The following SCN9A variants were observed in gnomAD, a reference collection of about 807,000 sequenced individuals.
The protein encoded by SCN9A is sodium voltage-gated channel alpha subunit 9, also known as sodium channel protein type 9 subunit alpha.
Under a neutral mutation model 187.0 loss-of-function variants are expected in SCN9A, and 131 were observed. The observed-to-expected ratio is 0.70, with a 90% CI of 0.61 to 0.81. The LOEUF (loss-of-function observed/expected upper bound fraction) is 0.81. Ranked by LOEUF, SCN9A falls within the 30% of genes least tolerant of loss-of-function variation. SCN9A has a pLI of 0.00. For missense variants in SCN9A, 2,252 were observed against 2,396.6 expected (o/e 0.94, Z 1.26); for synonymous variants, 809 against 808.6 (o/e 1.00, Z -0.01).
Position 166,242,534 on chromosome 2 carries a change from C to A in SCN9A, c.3595G>T (p.Val1199Phe). The A allele has an allele frequency of 6.3e-7, 1 of 1,597,342 alleles. No homozygotes were observed. Among genetic ancestry groups the A allele is most frequent in the Non-Finnish European group, 8.5e-7 (1 of 1,171,382 alleles). The change falls in exon 19 of 27, where the codon GTC becomes TTC. Residue 1199 changes from valine to phenylalanine, a missense_variant. This residue lies in a region of SCN9A where 313 missense variants were observed against 295.3 expected (regional missense o/e 1.06). Transcript: ENST00000642356. The part of the protein sequence containing the change: ...VEHSWFESFI[V>F]LMILLSSGAL... ...CCACTGCTGAGCAGGATCATGAGGA[C>A]AATGAAGCTTTCAAACCAACTGTGT...
chr2:166,239,221 T>TAAAAAAAAAAAAAAAAAAAAAA lies in SCN9A; in HGVS notation c.3628-955_3628-954insTTTTTTTTTTTTTTTTTTTTTT, dbSNP rs1558974298. 1.5e-5 allele frequency among the ~76,000 whole-genome samples: 2 copies of TAAAAAAAAAAAAAAAAAAAAAA among 130,082 alleles called. 1 individual carries two copies. Among genetic ancestry groups the TAAAAAAAAAAAAAAAAAAAAAA allele is most frequent in the Non-Finnish European group, 3.2e-5 (2 of 61,864 alleles). The allele number at this position is 130,082 out of a possible 152,430, so 85.3% of individuals were successfully genotyped here. On this transcript the variant is annotated intron_variant, in intron 19 of 26. Coordinates refer to ENST00000642356, the MANE Select transcript of SCN9A (RefSeq NM_001365536.1). Reference sequence around the variant, plus strand: ...CTGGGCAACAGAGCAAGACTCTGTCTCAAAAAAAAAAAAAAAAAAAAGGCT... The same window carrying TAAAAAAAAAAAAAAAAAAAAAA: ...CTGGGCAACAGAGCAAGACTCTGTCTAAAAAAAAAAAAAAAAAAAAAACAAAAAAAAAAAAAAAAAAAAGGCT...
intron 24 of SCN9A, among the ~76,000 whole-genome samples, chr2:166,205,817 G>GA (rs1247197872): frequency 1.3e-5 from 2 of 150,742 alleles, no homozygotes; most frequent in Non-Finnish European, 3.0e-5. Context: ...AAATTTACAA[G>GA]AAAAAAACAA....
chr2:166,351,213 C>A (rs1700026208), intron 1 of SCN9A, among the ~76,000 whole-genome samples: 1 of 152,012 alleles, frequency 6.6e-6, no homozygotes, highest in Admixed American at 6.6e-5. Context: ...AAACAAAAAC[C>A]CACACATCAG....
intron 14 of SCN9A, among the ~76,000 whole-genome samples, chr2:166,278,934 A>C (rs7597740): frequency 0.41 from 61,584 of 151,956 alleles, 12,692 homozygotes; most frequent in African/African-American, 0.47. Context: ...CTTTGGGTAC[A>C]CTTTGACTCA....
intron 24 of SCN9A, among the ~76,000 whole-genome samples, chr2:166,219,506 G>C (rs1694488340): frequency 6.6e-6 from 1 of 152,098 alleles, no homozygotes; most frequent in South Asian, 2.1e-4. Context: ...ACTTATAAGT[G>C]GGAGCTAAAT....
At chr2:166,219,967 GA>G (rs1227775730) in intron 24 of SCN9A, among the ~76,000 whole-genome samples, 1 of 151,856 alleles carries the variant, frequency 6.6e-6, no homozygotes, top group African/African-American at 2.4e-5. Flanking sequence ...TATTTAAACA[GA>G]AAAAAACATA....
At chr2:166,244,774 C>A (rs975061144) in intron 18 of SCN9A, among the ~76,000 whole-genome samples, 6 of 151,986 alleles carry the variant, frequency 3.9e-5, no homozygotes, top group Non-Finnish European at 5.9e-5. Context: ...TGAATCTCTT[C>A]TTAACTCTGC....
chr2:166,374,309 T>C lies in SCN9A; in HGVS notation c.-51+1388A>G, dbSNP rs79147031. Among the ~76,000 whole-genome samples, 10 of 152,290 alleles carry C rather than the reference T, an allele frequency of 6.6e-5. No homozygotes were observed. The South Asian group carries it at 2.1e-3, about 32-fold the overall frequency. ...CTCCTTTTAAACCTCTACAAAATTT[T>C]AAAAAACTTGTCTTAAGCCAAACTA... On this transcript the variant is annotated intron_variant, in intron 1 of 26. Coordinates refer to ENST00000642356, the MANE Select transcript of SCN9A (RefSeq NM_001365536.1).
At chr2:166,338,734 C>CT (rs1699692689) in intron 1 of SCN9A, among the ~76,000 whole-genome samples, 1 of 152,084 alleles carries the variant, frequency 6.6e-6, no homozygotes, top group Admixed American at 6.6e-5. Context: ...CAATTGTTTT[C>CT]TTTTCTTTCG....
chr2:166,220,054 C>T (rs2106372914), intron 24 of SCN9A, among the ~76,000 whole-genome samples: 1 of 152,204 alleles, frequency 6.6e-6, no homozygotes, highest in Middle Eastern at 3.4e-3. Context: ...TGCAACAGCC[C>T]ATTAAATGAT....
chr2:166,279,025 A>T (rs1165134701), intron 14 of SCN9A, among the ~76,000 whole-genome samples: 1 of 152,188 alleles, frequency 6.6e-6, no homozygotes, highest in Admixed American at 6.5e-5. Context: ...ATGCAGGATC[A>T]AGAAGATTGG....
In SCN9A at chr2:166,280,210, T is replaced by A. The variant is rs576732968; in HGVS notation, c.2343+147A>T. 8 of 591,756 alleles carry A rather than the reference T, an allele frequency of 1.4e-5. No homozygotes were observed. In the South Asian group the frequency reaches 1.8e-4, roughly 14 times the overall value. The allele number at this position is 591,756 out of a possible 1,614,324, so 36.7% of individuals were successfully genotyped here. On this transcript the variant is annotated intron_variant, in intron 14 of 26. Coordinates refer to ENST00000642356, the MANE Select transcript of SCN9A (RefSeq NM_001365536.1). Reference sequence around the variant, plus strand: ...TATTTTAAAAGACATAACCAGAAACTTGACTCTACACATCCATTCATATGG... The same window carrying A: ...TATTTTAAAAGACATAACCAGAAACATGACTCTACACATCCATTCATATGG...
intron 14 of SCN9A, 98 bp from the exon 15 acceptor site, chr2:166,278,411 GAC>G: frequency 9.9e-7 from 1 of 1,012,938 alleles, no homozygotes; most frequent in Non-Finnish European, 1.4e-6. Flanking sequence ...CTGTGTTCCA[GAC>G]AGTTTGCTAA....
intron 19 of SCN9A, among the ~76,000 whole-genome samples, chr2:166,240,294 G>T (rs1695508430): frequency 6.6e-6 from 1 of 152,086 alleles, no homozygotes; most frequent in Admixed American, 6.6e-5. Flanking sequence ...AGGTTTGAGG[G>T]TACATGTGAA....
intron 12 of SCN9A, 55 bp from the exon 13 acceptor site, chr2:166,281,863 A>G (rs1697506798): frequency 1.3e-6 from 2 of 1,517,688 alleles, no homozygotes; most frequent in East Asian, 4.5e-5. Context: ...AATTGTAGGT[A>G]TAAGATAAAA....
intron 1 of SCN9A, among the ~76,000 whole-genome samples, chr2:166,349,976 A>AAAAAAAT (rs920137257): frequency 1.8e-5 from 2 of 112,330 alleles, no homozygotes; most frequent in East Asian, 2.2e-4. Flanking sequence ...CCCTCTCACA[A>AAAAAAAT]AAAAAATAAA....
chr2:166,209,853 T>C (rs1305231954), intron 24 of SCN9A, among the ~76,000 whole-genome samples: 1 of 152,172 alleles, frequency 6.6e-6, no homozygotes, highest in Non-Finnish European at 1.5e-5. Context: ...TTTTACACTG[T>C]TGGTGGGACT....
intron 7 of SCN9A, chr2:166,302,873 C>T (rs929588775): frequency 5.3e-6 from 2 of 374,186 alleles, no homozygotes; most frequent in Non-Finnish European, 9.5e-6. Flanking sequence ...AATTATGGAA[C>T]TATCCTGTGT....
intron 17 of SCN9A, among the ~76,000 whole-genome samples, chr2:166,266,316 A>G (rs1696735777): frequency 1.3e-5 from 2 of 151,940 alleles, no homozygotes; most frequent in Admixed American, 1.3e-4. Flanking sequence ...TTTACTAAAG[A>G]GGCTGTCCTT....
Sources: allele counts gnomAD v4.1 joint callset (sites outside exome capture counted in the v4.1 genomes callset), GRCh38; gene constraint gnomAD v4.1.1; regional missense constraint gnomAD v4.1.1; transcripts MANE v1.5; gene names NCBI Gene and HGNC (gene_info 2026-07-23, HGNC 2026-07-21).